Variants in PDGFD observed in about 807,000 individuals in gnomAD.
PDGFD encodes platelet derived growth factor D.
PDGFD carries 30 observed loss-of-function variants against 44.7 expected under a neutral mutation model. That is an observed-to-expected ratio of 0.67 (90% CI 0.50 to 0.91). PDGFD has a LOEUF of 0.91. Among genes scored for constraint, PDGFD ranks in the 40% least tolerant of loss-of-function variants. PDGFD has a pLI of 0.00. For missense variants in PDGFD, 445 were observed against 457.8 expected, an observed-to-expected ratio of 0.97 and a Z score of 0.25; for synonymous variants, 173 against 168.4, an observed-to-expected ratio of 1.03 and a Z score of -0.21.
chr11:104,111,703 T>G (rs1047866069), intron 1 of PDGFD, among the ~76,000 whole-genome samples: 2 of 152,180 alleles, frequency 1.3e-5, no homozygotes, highest in African/African-American at 4.8e-5. Context: ...AGGCAAATTT[T>G]AGGCACATGT....
At chr11:104,107,416 C>CA (rs1310399900) in intron 1 of PDGFD, among the ~76,000 whole-genome samples, 1 of 152,140 alleles carries the variant, frequency 6.6e-6, no homozygotes. Context: ...AAGAGGACTT[C>CA]AAGCCACAGA....
chr11:104,084,610 T>C (rs1345664065), intron 1 of PDGFD, among the ~76,000 whole-genome samples: 3 of 147,338 alleles, frequency 2.0e-5, no homozygotes, highest in African/African-American at 7.4e-5. Flanking sequence ...TTAAATTATA[T>C]ATATATAAAT....
intron 1 of PDGFD, among the ~76,000 whole-genome samples, chr11:104,119,109 T>TCGA (rs1420389348): frequency 2.2e-4 from 14 of 64,254 alleles, no homozygotes; most frequent in Admixed American, 2.9e-4. Context: ...ATATAATATA[T>TCGA]TAATATAATA....
At chr11:104,084,624 C>CATATATA (rs974238035) in intron 1 of PDGFD, among the ~76,000 whole-genome samples, 9 of 145,710 alleles carry the variant, frequency 6.2e-5, no homozygotes, top group Non-Finnish European at 1.0e-4. Flanking sequence ...TATAAATATA[C>CATATATA]ATATATAATA....
At chr11:104,103,462 GTATATA>G (rs58684985) in intron 1 of PDGFD, among the ~76,000 whole-genome samples, 7,004 of 133,092 alleles carry the variant, frequency 0.053, 197 homozygotes, top group East Asian at 0.11. Flanking sequence ...GTGTGTGTGT[GTATATA>G]TATATATATA....
At chr11:104,042,250 A>T (rs570444864) in intron 1 of PDGFD, among the ~76,000 whole-genome samples, 1 of 152,378 alleles carries the variant, frequency 6.6e-6, no homozygotes, top group East Asian at 1.9e-4. Flanking sequence ...CTGGCAAATT[A>T]TCTAAAAATA....
At chr11:103,928,634 G>C (rs17101748) in intron 5 of PDGFD, among the ~76,000 whole-genome samples, 3,888 of 152,230 alleles carry the variant, frequency 0.026, 172 homozygotes, top group African/African-American at 0.089. Flanking sequence ...ATTGTCATAC[G>C]CTGAGCCCAG....
At chr11:103,928,760 T>A (rs1317898299) in intron 5 of PDGFD, among the ~76,000 whole-genome samples, 1 of 152,208 alleles carries the variant, frequency 6.6e-6, no homozygotes, top group Non-Finnish European at 1.5e-5. Context: ...CAGATTTAAA[T>A]TGAATGAACT....
intron 1 of PDGFD, among the ~76,000 whole-genome samples, chr11:104,000,579 C>T (rs376880349): frequency 1.2e-5 from 1 of 86,596 alleles, no homozygotes; most frequent in Non-Finnish European, 2.5e-5. Flanking sequence ...CTTCTGCCTT[C>T]TATTAAACAA....
chr11:104,112,888 G>A (rs920764763), intron 1 of PDGFD, among the ~76,000 whole-genome samples: 3 of 151,984 alleles, frequency 2.0e-5, no homozygotes, highest in Non-Finnish European at 4.4e-5. Context: ...AGGGTGGAAG[G>A]GTGGGAGAAG....
intron 1 of PDGFD, among the ~76,000 whole-genome samples, chr11:104,151,274 TTCAA>T (rs1378102679): frequency 1.3e-5 from 2 of 152,214 alleles, no homozygotes; most frequent in Non-Finnish European, 2.9e-5. Context: ...AAAAATTATT[TTCAA>T]TCAATCAATA....
intron 1 of PDGFD, among the ~76,000 whole-genome samples, chr11:104,053,255 T>C (rs898052176): frequency 2.0e-5 from 3 of 152,200 alleles, no homozygotes; most frequent in African/African-American, 7.2e-5. Flanking sequence ...AGAGTCCTTT[T>C]ACAATGTATA....
chr11:104,093,571 A>G (rs17332348), intron 1 of PDGFD, among the ~76,000 whole-genome samples: 7,443 of 152,024 alleles, frequency 0.049, 188 homozygotes, highest in Non-Finnish European at 0.062. Flanking sequence ...AAATGTGTAC[A>G]CTTCCCACAG....
chr11:104,076,361 T>TATC (rs1229477355), intron 1 of PDGFD, among the ~76,000 whole-genome samples: 11 of 152,232 alleles, frequency 7.2e-5, no homozygotes, highest in African/African-American at 2.7e-4. Flanking sequence ...GTATTATTAT[T>TATC]ATCTAATGTG....
intron 1 of PDGFD, among the ~76,000 whole-genome samples, chr11:104,006,880 T>C (rs2134371610): frequency 6.6e-6 from 1 of 152,266 alleles, no homozygotes; most frequent in East Asian, 1.9e-4. Flanking sequence ...TTCAAGTCCA[T>C]GTGGAACCTG....
At chr11:103,945,801 T>C (rs1858660161) in intron 4 of PDGFD, 1 of 152,142 alleles carries the variant, frequency 6.6e-6, no homozygotes, top group Non-Finnish European at 1.5e-5. Flanking sequence ...AGGGGGAAAT[T>C]TAATCTCTTC....
At chr11:103,967,273 GGACCA>G (rs1306860141) in intron 3 of PDGFD, among the ~76,000 whole-genome samples, 4 of 152,054 alleles carry the variant, frequency 2.6e-5, no homozygotes, top group Non-Finnish European at 5.9e-5. Context: ...CATTCACTAA[GGACCA>G]TGTCAACTGG....
chr11:104,110,951 G>GT (rs1565337940), intron 1 of PDGFD, among the ~76,000 whole-genome samples: 2 of 151,968 alleles, frequency 1.3e-5, no homozygotes, highest in African/African-American at 2.4e-5. Flanking sequence ...TACCAAAAAT[G>GT]TTTTTTTGTC....
At chr11:104,010,709 A>T (rs551408275) in intron 1 of PDGFD, among the ~76,000 whole-genome samples, 28 of 152,234 alleles carry the variant, frequency 1.8e-4, no homozygotes, top group African/African-American at 6.5e-4. Context: ...TAATTCTCTG[A>T]TAATTCTCTT....
Sources: gnomAD v4.1 joint callset for allele counts (sites outside exome capture counted in the v4.1 genomes callset) on GRCh38, gnomAD v4.1.1 for gene constraint, MANE v1.5 for transcripts, NCBI Gene and HGNC (gene_info 2026-07-23, HGNC 2026-07-21) for gene names.